The following AKAP12 variants were observed in gnomAD, a reference collection of about 807,000 sequenced individuals.
AKAP12 encodes the protein A-kinase anchoring protein 12.
AKAP12 carries 32 observed loss-of-function variants against 79.9 expected under a neutral mutation model. That is an observed-to-expected ratio of 0.40 (90% confidence interval 0.30 to 0.54). The LOEUF (loss-of-function observed/expected upper bound fraction) is 0.54, where lower values mean the gene tolerates loss of function less well. Among genes scored for constraint, AKAP12 ranks in the 20% least tolerant of loss-of-function variants. The probability of loss-of-function intolerance (pLI) is 0.48; values close to 1 mark genes in which losing one functional copy is unlikely to be tolerated. For synonymous variants in AKAP12, 808 were observed against 857.0 expected, an observed-to-expected ratio of 0.94 and a Z score of 1.00; for missense variants, 2,074 against 2,177.0, an observed-to-expected ratio of 0.95 and a Z score of 0.94.
At chr6:151,312,116 C>A (rs972796257) in intron 3 of AKAP12, among the ~76,000 whole-genome samples, 3 of 152,164 alleles carry the variant, frequency 2.0e-5, no homozygotes, top group African/African-American at 4.8e-5. Context: ...TTCCTTTTCT[C>A]TACACCAGTT....
chr6:151,317,277 A>G (rs562871495), intron 3 of AKAP12, among the ~76,000 whole-genome samples: 2 of 152,312 alleles, frequency 1.3e-5, no homozygotes, highest in East Asian at 3.9e-4. Context: ...GAGCTAAAAT[A>G]TGCCTCCCTC....
chr6:151,290,647 C>T (rs1157533518), intron 2 of AKAP12, among the ~76,000 whole-genome samples: 1 of 151,892 alleles, frequency 6.6e-6, no homozygotes, highest in African/African-American at 2.4e-5. Flanking sequence ...CTCTTGTTGC[C>T]CAGGCTGGAG....
intron 3 of AKAP12, 89 bp from the exon 4 acceptor site, chr6:151,348,622 G>C (rs1778175906): frequency 1.3e-5 from 13 of 979,722 alleles, no homozygotes; most frequent in Non-Finnish European, 1.5e-6. Context: ...CGGGGCAAGA[G>C]AGTGAGGCCC....
chr6:151,280,522 T>A (rs1022882906), intron 2 of AKAP12: 4 of 152,094 alleles, frequency 2.6e-5, no homozygotes, highest in African/African-American at 9.7e-5. Context: ...TATAAAAATA[T>A]GGAACGCTTT....
chr6:151,337,720 TAA>T (rs1249732187), intron 3 of AKAP12, among the ~76,000 whole-genome samples: 1 of 150,294 alleles, frequency 6.7e-6, no homozygotes, highest in African/African-American at 2.5e-5. Flanking sequence ...GTTTCTGTTA[TAA>T]GTCATGTAGG....
chr6:151,323,634 C>A, intron 3 of AKAP12: 1 of 872,794 alleles, frequency 1.1e-6, no homozygotes, highest in Non-Finnish European at 1.4e-6. Flanking sequence ...CAAAACTGAA[C>A]AGCAGTACAG....
intron 2 of AKAP12, among the ~76,000 whole-genome samples, chr6:151,266,825 G>C (rs1175523504): frequency 1.3e-5 from 2 of 151,970 alleles, no homozygotes; most frequent in African/African-American, 4.8e-5. Context: ...GCTGTGAAAT[G>C]GGAAAATATG....
intron 2 of AKAP12, among the ~76,000 whole-genome samples, chr6:151,273,186 C>T (rs1776224883): frequency 6.6e-6 from 1 of 152,156 alleles, no homozygotes; most frequent in Admixed American, 6.5e-5. Context: ...AGATTATAGG[C>T]GTGAGCCACC....
chr6:151,263,227 G>T (rs1273816936), intron 2 of AKAP12, among the ~76,000 whole-genome samples: 1 of 152,110 alleles, frequency 6.6e-6, no homozygotes, highest in Non-Finnish European at 1.5e-5. Context: ...GAGAGATAGG[G>T]TCTTGCTATG....
In AKAP12 at chr6:151,305,845, C is replaced by T; in HGVS notation, c.261C>T (p.Ala87=). The T allele has an allele frequency of 6.2e-7, 1 of 1,613,858 alleles. No individual in the cohort carries two copies. Among genetic ancestry groups the T allele is most frequent in the Non-Finnish European group, 8.5e-7 (1 of 1,179,932 alleles). ...GTGACCTAAATGGCCAGAAAGGAGC[C>T]CTGAACGGTCAAGGAGCCCTAAACA... ...QEGDLNGQKG[A]LNGQGALNSQ... Residue 87 remains alanine, a synonymous_variant, in exon 3 of 5, where the codon GCC becomes GCT. Coordinates refer to ENST00000402676, the MANE Select transcript of AKAP12 (RefSeq NM_005100.4).
At chr6:151,338,183 C>T (rs970152595) in intron 3 of AKAP12, among the ~76,000 whole-genome samples, 4 of 152,158 alleles carry the variant, frequency 2.6e-5, no homozygotes, top group South Asian at 2.1e-4. Flanking sequence ...CATACATTTA[C>T]GTTATTACAG....
At chr6:151,335,949 T>G (rs76703411) in intron 3 of AKAP12, among the ~76,000 whole-genome samples, 2,272 of 152,238 alleles carry the variant, frequency 0.015, 57 homozygotes, top group African/African-American at 0.052. Context: ...GAGTACCCAG[T>G]GTCTATTATT....
chr6:151,333,173 T>C (rs1291807282), intron 3 of AKAP12, among the ~76,000 whole-genome samples: 2 of 152,054 alleles, frequency 1.3e-5, no homozygotes, highest in African/African-American at 2.4e-5. Flanking sequence ...AACGGAAAGC[T>C]GTGATGAAGG....
chr6:151,250,997 A>G (rs1797163252), intron 2 of AKAP12, among the ~76,000 whole-genome samples: 1 of 152,184 alleles, frequency 6.6e-6, no homozygotes, highest in African/African-American at 2.4e-5. Flanking sequence ...ACACCTCATA[A>G]TTGAGATGAG....
Position 151,256,353 on chromosome 6 carries a change from G to A in AKAP12, c.162+15629G>A, listed in dbSNP as rs183643298. ...TGGAAAGGCCAGGCTAGAGAAGAGA[G>A]CACAATTAGAATAGCAATTCAGAAG... is the stretch of plus-strand genomic sequence containing the variant. On this transcript the variant is annotated intron_variant, in intron 2 of 4. Coordinates refer to ENST00000402676, the MANE Select transcript of AKAP12 (RefSeq NM_005100.4). Among the ~76,000 whole-genome samples the A allele has an allele frequency of 3.3e-5, 5 of 152,246 alleles. No homozygotes were observed. The East Asian group carries it at 9.6e-4, about 29-fold the overall frequency.
At chr6:151,249,996 G>A (rs1049314671) in intron 2 of AKAP12, among the ~76,000 whole-genome samples, 3 of 152,194 alleles carry the variant, frequency 2.0e-5, no homozygotes, top group African/African-American at 7.2e-5. Context: ...TATAATCCCA[G>A]CACTTCGGGA....
At chr6:151,344,131 G>T (rs568859919) in intron 3 of AKAP12, among the ~76,000 whole-genome samples, 2 of 152,270 alleles carry the variant, frequency 1.3e-5, no homozygotes, top group African/African-American at 2.4e-5. Context: ...TTAGGAATGC[G>T]CCTCAGATCA....
intron 3 of AKAP12, chr6:151,343,871 G>A (rs1419034119): frequency 2.4e-6 from 1 of 421,980 alleles, no homozygotes; most frequent in African/African-American, 2.2e-5. Context: ...TCATCACAGT[G>A]TCAGTTTATA....
chr6:151,345,967 G>GAGAGAGAGAGAGAGAGAGAGAGAGAGGA (rs1778093374), intron 3 of AKAP12, among the ~76,000 whole-genome samples: 1 of 143,758 alleles, frequency 7.0e-6, no homozygotes, highest in African/African-American at 2.6e-5. Flanking sequence ...GAGAGAGAAA[G>GAGAGAGAGAGAGAGAGAGAGAGAGAGGA]GAGAGACAGT....
Sources: gnomAD v4.1 joint callset for allele counts (sites outside exome capture counted in the v4.1 genomes callset) on GRCh38, gnomAD v4.1.1 for gene constraint, MANE v1.5 for transcripts, NCBI Gene and HGNC (gene_info 2026-07-23, HGNC 2026-07-21) for gene names.